The following RHBDD1 variants were observed in gnomAD, a reference collection of about 807,000 sequenced individuals.
RHBDD1 encodes rhomboid-related protein 4.
In RHBDD1, 38 loss-of-function variants were observed where a neutral mutation model predicts 36.3. The ratio of observed to expected loss-of-function variants is 1.05; its 90% CI spans 0.81 to 1.37. The LOEUF (loss-of-function observed/expected upper bound fraction) is 1.37. Among genes scored for constraint, RHBDD1 ranks in the 40% most tolerant of loss-of-function variants. The probability of loss-of-function intolerance (pLI) is 0.00; values close to 1 mark genes in which losing one functional copy is unlikely to be tolerated. For synonymous variants in RHBDD1, 151 were observed against 136.5 expected (o/e 1.11, Z -0.74); for missense variants, 393 against 377.6 (o/e 1.04, Z -0.34).
At chr2:226,908,310 G>C (rs1948221053) in intron 6 of RHBDD1, 1 of 152,560 alleles carries the variant, frequency 6.6e-6, no homozygotes, top group African/African-American at 2.4e-5. Context: ...GTCACCCTGA[G>C]GGTGTGGCCC....
chr2:226,922,454 A>T (rs6705156), intron 8 of RHBDD1, among the ~76,000 whole-genome samples: 140 of 151,812 alleles, frequency 9.2e-4, no homozygotes, highest in African/African-American at 3.2e-3. Flanking sequence ...TGATCCGCCC[A>T]CCTCGGCCTC....
chr2:226,932,484 C>T (rs147912687), intron 8 of RHBDD1, among the ~76,000 whole-genome samples: 16 of 152,122 alleles, frequency 1.1e-4, no homozygotes, highest in South Asian at 2.1e-4. Context: ...ACATCAAAGA[C>T]TTCAAATTCC....
chr2:226,935,634 A>T (rs1950284318), intron 8 of RHBDD1, among the ~76,000 whole-genome samples: 1 of 149,200 alleles, frequency 6.7e-6, no homozygotes, highest in Admixed American at 6.7e-5. Context: ...TCTCAGTTTT[A>T]TTTTTTTTTT....
intron 8 of RHBDD1, among the ~76,000 whole-genome samples, chr2:226,984,131 C>T (rs929993619): frequency 7.2e-5 from 11 of 152,220 alleles, no homozygotes; most frequent in Non-Finnish European, 1.5e-4. Flanking sequence ...ATCTGTTCAC[C>T]GCTCTGATCA....
chr2:226,848,518 T>A lies in RHBDD1; in HGVS notation c.-91+8891T>A, dbSNP rs1250216352. Among the ~76,000 whole-genome samples the A allele has an allele frequency of 2.0e-5, 3 of 152,172 alleles. No homozygotes were observed. The East Asian group carries it at 5.8e-4, about 29-fold the overall frequency. ...GTCATTGTCACAATAAGAAAAAAGC[T>A]GGACAAACTGAAAATCAAATACTTT... On this transcript the variant is annotated intron_variant, in intron 3 of 8. Coordinates refer to ENST00000392062, the MANE Select transcript of RHBDD1 (RefSeq NM_001167608.3).
At chr2:226,993,594 G>GT (rs1439890051) in intron 8 of RHBDD1, among the ~76,000 whole-genome samples, 1 of 152,142 alleles carries the variant, frequency 6.6e-6, no homozygotes, top group Non-Finnish European at 1.5e-5. Flanking sequence ...TGGCAAAAAC[G>GT]TTTTTTGGGG....
chr2:226,959,807 A>C (rs1350036317), intron 8 of RHBDD1, among the ~76,000 whole-genome samples: 1 of 151,964 alleles, frequency 6.6e-6, no homozygotes, highest in African/African-American at 2.4e-5. Flanking sequence ...GTGTATGTTT[A>C]CTTTTTTTTT....
At position 226,938,341 on chromosome 2, in the gene RHBDD1, T is replaced by C. The variant is rs141209900; in HGVS notation, c.856+23990T>C. On this transcript the variant is annotated intron_variant, in intron 8 of 8. Coordinates refer to ENST00000392062, the MANE Select transcript of RHBDD1 (RefSeq NM_001167608.3). ...TTATAGATGCTGGATATTAGACCTTTATCAGATGCATAGTTTGTAAAAATT... is the reference window on the plus strand; with the variant it reads ...TTATAGATGCTGGATATTAGACCTTCATCAGATGCATAGTTTGTAAAAATT... 2.6e-3 allele frequency among the ~76,000 whole-genome samples: 403 copies of C among 152,310 alleles called. 4 individuals are homozygous for C. The highest frequency in any genetic ancestry group is 9.1e-3 in the African/African-American group (377 of 41,570).
chr2:226,901,388 G>A (rs1947577669), intron 5 of RHBDD1, among the ~76,000 whole-genome samples: 1 of 151,926 alleles, frequency 6.6e-6, no homozygotes, highest in Admixed American at 6.6e-5. Flanking sequence ...AGTTCCTTTG[G>A]GTATATATGC....
chr2:226,945,132 CAA>C (rs908129039), intron 8 of RHBDD1, among the ~76,000 whole-genome samples: 2 of 136,978 alleles, frequency 1.5e-5, no homozygotes, highest in Admixed American at 7.7e-5. Context: ...ACAGTGGAAA[CAA>C]GATCAAATCT....
chr2:226,908,875 TC>T lies in RHBDD1; in HGVS notation c.710del (p.Ser237Ter). 6.3e-7 allele frequency: 1 copy of T among 1,581,910 alleles called. No individual in the cohort carries two copies. Among genetic ancestry groups the T allele is most frequent in the Non-Finnish European group, 8.7e-7 (1 of 1,150,754 alleles). On this transcript the variant is annotated frameshift_variant and splice_region_variant, in exon 7 of 9. Transcript: ENST00000392062. LOFTEE classifies it high-confidence loss of function. ...YPGRQYYFNS[S>X]GSSGYQDYYP... ...AGGACGGCAATACTACTTTAATAGT[TC>T]AGGTAGGCACTGTATTTCATTTAAT...
At chr2:226,809,376 A>G in the RHBDD1 span, among the ~76,000 whole-genome samples, 1 of 152,214 alleles carries the variant, frequency 6.6e-6, no homozygotes, top group Non-Finnish European at 1.5e-5. Context: ...AGATGCCCAC[A>G]ATGTTTATGA....
chr2:226,819,854 C>A, the RHBDD1 span, among the ~76,000 whole-genome samples: 1 of 151,982 alleles, frequency 6.6e-6, no homozygotes. Context: ...TAAGCCTTTC[C>A]CCTCATTACT....
intron 5 of RHBDD1, among the ~76,000 whole-genome samples, chr2:226,869,447 ATTG>A (rs762797107): frequency 6.6e-5 from 10 of 152,182 alleles, no homozygotes; most frequent in South Asian, 2.1e-4. Context: ...TTTGCAATGC[ATTG>A]TTATTTGCTT....
chr2:226,980,321 G>A (rs1340038665), intron 8 of RHBDD1, among the ~76,000 whole-genome samples: 3 of 152,156 alleles, frequency 2.0e-5, no homozygotes, highest in Non-Finnish European at 4.4e-5. Flanking sequence ...TTCCCCACCA[G>A]AGCGAGGTAG....
intron 5 of RHBDD1, among the ~76,000 whole-genome samples, chr2:226,886,838 A>C (rs1405954776): frequency 1.3e-5 from 2 of 152,200 alleles, no homozygotes; most frequent in African/African-American, 2.4e-5. Flanking sequence ...TATACCAAAA[A>C]ATTTTAAAGA....
rs1157818430 is a variant in RHBDD1 at position 226,867,330 on chromosome 2, C to T, written c.566+12C>T. 4.6e-5 allele frequency: 74 copies of T among 1,605,032 alleles called. 2 individuals carry two copies. The Middle Eastern group carries it at 8.3e-4, about 18-fold the overall frequency. On this transcript the variant is annotated intron_variant, in intron 5 of 8. Coordinates refer to ENST00000392062, the MANE Select transcript of RHBDD1 (RefSeq NM_001167608.3). ...TTATTCTCACCAGGGTAAGTGTTTT[C>T]TTTTGGGGAATACAGTTGAAGGACC...
At chr2:226,842,990 C>G (rs1941837228) in intron 3 of RHBDD1, among the ~76,000 whole-genome samples, 1 of 152,108 alleles carries the variant, frequency 6.6e-6, no homozygotes, top group Non-Finnish European at 1.5e-5. Flanking sequence ...TCTTTCACTT[C>G]CCTTGTTGGC....
intron 8 of RHBDD1, among the ~76,000 whole-genome samples, chr2:226,940,363 G>A (rs1034437018): frequency 1.3e-5 from 2 of 152,056 alleles, no homozygotes; most frequent in African/African-American, 4.8e-5. Flanking sequence ...CATCAAACAT[G>A]TCTGTAACAT....
Sources: allele counts gnomAD v4.1 joint callset (sites outside exome capture counted in the v4.1 genomes callset), GRCh38; gene constraint gnomAD v4.1.1; transcripts MANE v1.5; gene names NCBI Gene and HGNC (gene_info 2026-07-23, HGNC 2026-07-21).